Variants in SCCPDH observed in about 807,000 individuals in gnomAD.
SCCPDH encodes the protein saccharopine dehydrogenase-like oxidoreductase.
SCCPDH carries 34 observed loss-of-function variants against 51.5 expected under a neutral mutation model. That is an observed-to-expected ratio of 0.66 (90% CI 0.50 to 0.88). The LOEUF is 0.88. Ranked by LOEUF, SCCPDH falls within the 40% of genes least tolerant of loss-of-function variation. The probability of loss-of-function intolerance (pLI) is 0.00; values close to 1 mark genes in which losing one functional copy is unlikely to be tolerated. For synonymous variants in SCCPDH, 187 were observed against 191.3 expected, an observed-to-expected ratio of 0.98 and a Z score of 0.19; for missense variants, 464 against 527.1, an observed-to-expected ratio of 0.88 and a Z score of 1.17.
intron 5 of SCCPDH, among the ~76,000 whole-genome samples, chr1:246,756,492 G>A (rs143356540): frequency 6.6e-5 from 10 of 152,218 alleles, no homozygotes; most frequent in African/African-American, 1.4e-4. Flanking sequence ...TCTGTGAAAC[G>A]CAAATAGTTT....
chr1:246,746,209 G>A (rs561282337), intron 5 of SCCPDH, among the ~76,000 whole-genome samples: 1 of 151,536 alleles, frequency 6.6e-6, no homozygotes, highest in Non-Finnish European at 1.5e-5. Flanking sequence ...GTGAGCAATT[G>A]CTGTCCCTTT....
At chr1:246,732,130 T>A (rs978320016) in intron 2 of SCCPDH, among the ~76,000 whole-genome samples, 2 of 152,056 alleles carry the variant, frequency 1.3e-5, no homozygotes, top group Non-Finnish European at 2.9e-5. Context: ...AGAGTGGATA[T>A]GTTATAGGAG....
At position 246,764,370 on chromosome 1, in the gene SCCPDH, T is replaced by C. The variant is rs758147785; in HGVS notation, c.1102+13T>C. 1 of 1,472,310 alleles carries C rather than the reference T, an allele frequency of 6.8e-7. No homozygotes were observed. The highest frequency in any genetic ancestry group is 9.5e-7 in the Non-Finnish European group (1 of 1,053,324). 91.2% of individuals were successfully genotyped at this position (1,472,310 alleles called of 1,614,324 possible). A position where few individuals can be genotyped will look rare whatever the true frequency, so the allele number is the denominator to read the frequency against. ...GTGAAAGGACCAGGTATTTCACATA[T>C]CACTTAAGAATGCTTGGGAATTTTA... is the stretch of plus-strand genomic sequence containing the variant. On this transcript the variant is annotated intron_variant, in intron 10 of 11. Transcript: ENST00000366510.
At chr1:246,758,735 T>C (rs1668967965) in intron 6 of SCCPDH, among the ~76,000 whole-genome samples, 1 of 152,214 alleles carries the variant, frequency 6.6e-6, no homozygotes, top group Non-Finnish European at 1.5e-5. Context: ...TTTAAAAATT[T>C]ATTTTAGTTT....
chr1:246,753,367 T>C (rs1355345264), intron 5 of SCCPDH, among the ~76,000 whole-genome samples: 1 of 152,194 alleles, frequency 6.6e-6, no homozygotes, highest in Non-Finnish European at 1.5e-5. Context: ...CTTATTAATA[T>C]CTGGCCAACT....
intron 9 of SCCPDH, among the ~76,000 whole-genome samples, chr1:246,763,649 C>T (rs1035563752): frequency 2.0e-5 from 3 of 152,220 alleles, no homozygotes; most frequent in African/African-American, 7.2e-5. Flanking sequence ...TTATCTCTCT[C>T]TCCCCCCCTT....
chr1:246,758,163 C>G, intron 5 of SCCPDH, 63 bp from the exon 6 acceptor site: 14 of 1,207,298 alleles, frequency 1.2e-5, no homozygotes, highest in Non-Finnish European at 1.6e-5. Flanking sequence ...TGATAAGTTA[C>G]TTGGCTTTAC....
At chr1:246,752,075 C>CGGCTAATTCT in intron 5 of SCCPDH, among the ~76,000 whole-genome samples, 1 of 152,160 alleles carries the variant, frequency 6.6e-6, no homozygotes, top group Non-Finnish European at 1.5e-5. Flanking sequence ...CCACCGCGCC[C>CGGCTAATTCT]GGCTAATTCT....
intron 2 of SCCPDH, among the ~76,000 whole-genome samples, chr1:246,727,730 C>T (rs1668424204): frequency 6.6e-6 from 1 of 152,132 alleles, no homozygotes; most frequent in African/African-American, 2.4e-5. Flanking sequence ...TTTCCAGGGA[C>T]AGCAGGCACA....
At chr1:246,757,019 T>C (rs778954088) in intron 5 of SCCPDH, among the ~76,000 whole-genome samples, 12 of 152,058 alleles carry the variant, frequency 7.9e-5, no homozygotes, top group Admixed American at 1.3e-4. Context: ...TAATAGAGAA[T>C]TAAAAGGCCC....
chr1:246,734,170 A>T (rs1319286591), intron 2 of SCCPDH, among the ~76,000 whole-genome samples: 1 of 152,160 alleles, frequency 6.6e-6, no homozygotes, highest in Non-Finnish European at 1.5e-5. Flanking sequence ...AGGTGGACTC[A>T]TGGCCAACTT....
intron 2 of SCCPDH, among the ~76,000 whole-genome samples, chr1:246,728,584 A>C (rs1668437836): frequency 6.6e-6 from 1 of 152,164 alleles, no homozygotes; most frequent in Non-Finnish European, 1.5e-5. Context: ...TTCCCTCAGG[A>C]ATTCTCTCTC....
intron 5 of SCCPDH, among the ~76,000 whole-genome samples, chr1:246,750,257 G>A (rs1325952838): frequency 1.3e-5 from 2 of 152,162 alleles, no homozygotes; most frequent in African/African-American, 4.8e-5. Flanking sequence ...GGGTACCTGT[G>A]CTGAAAGACC....
chr1:246,766,194 G>C lies in SCCPDH; in HGVS notation c.1184+55G>C, dbSNP rs1553274912. 3.0e-5 allele frequency: 37 copies of C among 1,253,550 alleles called. 1 individual carries two copies. In the South Asian group the frequency reaches 4.1e-4, roughly 14 times the overall value. The allele number at this position is 1,253,550 out of a possible 1,614,324, so 77.7% of individuals were successfully genotyped here. ...TCTTTTTTATCTATGTTATATTTTA[G>C]CTTATTTTGATTTGATTTTCAGGCT... On this transcript the variant is annotated intron_variant, in intron 11 of 11. Transcript: ENST00000366510.
At chr1:246,746,359 A>G (rs1205694622) in intron 5 of SCCPDH, among the ~76,000 whole-genome samples, 2 of 152,172 alleles carry the variant, frequency 1.3e-5, no homozygotes, top group Non-Finnish European at 1.5e-5. Context: ...GTGCTTTTCC[A>G]TACAATGTCT....
Position 246,758,315 on chromosome 1 carries a change from T to A in SCCPDH, c.654T>A (p.Asn218Lys), listed in dbSNP as rs1668961271. 6.2e-7 allele frequency: 1 copy of A among 1,611,128 alleles called. No homozygotes were observed. ...TGAGAAAACTAAGAAATGTATCAAATCTGAAACCTGTCCCGCTCATTGGTC... is the reference window on the plus strand; with the variant it reads ...TGAGAAAACTAAGAAATGTATCAAAACTGAAACCTGTCCCGCTCATTGGTC... ...SNLRKLRNVS[N>K]LKPVPLIGPK... Residue 218 changes from asparagine to lysine, a missense_variant, in exon 6 of 12, where the codon AAT becomes AAA. Coordinates refer to ENST00000366510, the MANE Select transcript of SCCPDH (RefSeq NM_016002.3).
Position 246,736,027 on chromosome 1 carries a change from G to A in SCCPDH, c.356G>A (p.Ser119Asn), listed in dbSNP as rs755528961. 2.5e-6 allele frequency: 4 copies of A among 1,612,496 alleles called. No individual in the cohort carries two copies. The highest frequency in any genetic ancestry group is 3.3e-5 in the Admixed American group (2 of 59,962). Residue 119 changes from serine (S) to asparagine (N), a missense_variant, in exon 3 of 12, where the codon AGT becomes AAT. Transcript: ENST00000366510. The part of the protein sequence containing the change: ...VIKACIENGA[S>N]CIDISGEPQF... ...AAAGCATGTATTGAAAATGGAGCCA[G>A]TTGTATCGACATCAGTGGAGAACCT...
intron 9 of SCCPDH, among the ~76,000 whole-genome samples, chr1:246,763,557 C>G (rs1239728402): frequency 6.6e-6 from 1 of 152,138 alleles, no homozygotes; most frequent in Non-Finnish European, 1.5e-5. Context: ...AACCATTGCC[C>G]TCTGCCCTGG....
intron 2 of SCCPDH, 116 bp downstream of exon 2, chr1:246,727,120 T>C (rs1668412209): frequency 2.5e-6 from 2 of 784,528 alleles, no homozygotes; most frequent in African/African-American, 1.7e-5. Flanking sequence ...CTTAACCCCA[T>C]ATGGGGAGTT....
Sources: allele counts gnomAD v4.1 joint callset (sites outside exome capture counted in the v4.1 genomes callset), GRCh38; gene constraint gnomAD v4.1.1; transcripts MANE v1.5; gene names NCBI Gene and HGNC (gene_info 2026-07-23, HGNC 2026-07-21).